CEP290: variants seen among roughly 807,000 people sequenced by gnomAD.
CEP290 encodes centrosomal protein 290.
A neutral mutation model predicts 344.9 loss-of-function variants in CEP290; 317 were observed. That is an observed-to-expected ratio of 0.92 (90% CI 0.84 to 1.01). The LOEUF is 1.01. Ranked by LOEUF, CEP290 falls within the 50% of genes least tolerant of loss-of-function variation. The pLI, the probability that CEP290 is intolerant of heterozygous loss-of-function variation, is 0.00. For missense variants in CEP290, 2,754 were observed against 2,761.4 expected (o/e 1.00, Z 0.06); for synonymous variants, 932 against 895.8 (o/e 1.04, Z -0.72).
At chr12:88,054,520 A>C (rs879618181) in intron 50 of CEP290, 107 bp from the exon 51 acceptor site, 1 of 849,642 alleles carries the variant, frequency 1.2e-6, no homozygotes, top group Admixed American at 2.6e-5. Flanking sequence ...TGGTTTTCAA[A>C]AGCACGCATA....
Position 88,120,235 on chromosome 12 carries a change from A to T in CEP290, c.1401T>A (p.Asn467Lys). The T allele has an allele frequency of 6.7e-7, 1 of 1,497,188 alleles. No homozygotes were observed. 92.7% of individuals were successfully genotyped at this position (1,497,188 alleles called of 1,614,324 possible). A position where few individuals can be genotyped will look rare whatever the true frequency, so the allele number is the denominator to read the frequency against. The change falls in exon 15 of 54, where the codon AAT becomes AAA. Residue 467 changes from asparagine to lysine, a missense_variant. Coordinates refer to ENST00000552810, the MANE Select transcript of CEP290 (RefSeq NM_025114.4). Reference sequence around the variant, plus strand: ...CTCTTATTTTAATTTGGTTTTTACAATTCTTTATTTCAACGACAGCATCTT... The same window carrying T: ...CTCTTATTTTAATTTGGTTTTTACATTTCTTTATTTCAACGACAGCATCTT... Reference protein sequence around the residue: ...GLEDAVVEIKNCKNQIKIRDR... With the variant: ...GLEDAVVEIKKCKNQIKIRDR...
Position 88,117,088 on chromosome 12 carries a change from C to G in CEP290, c.1769G>C (p.Ser590Thr). Residue 590 changes from serine to threonine, a missense_variant, in exon 18 of 54, where the codon AGT becomes ACT. Transcript: ENST00000552810. The stretch of plus-strand genomic sequence containing the variant: ...GCTCAATAAATCCAATTTTCTTTCA[C>G]TTATTCTATCTCCTTGAGAAATGTT... ...TENISQGDRI[S>T]ERKLDLLSLK... 1.3e-6 allele frequency: 2 copies of G among 1,560,916 alleles called. No homozygotes were observed. The highest frequency in any genetic ancestry group is 1.7e-6 in the Non-Finnish European group (2 of 1,149,570).
At chr12:88,086,209 T>A (rs2036561137) in intron 33 of CEP290, 36 bp from the exon 34 acceptor site, 4 of 1,598,926 alleles carry the variant, frequency 2.5e-6, no homozygotes, top group Non-Finnish European at 3.4e-6. Context: ...AAAAAGCAGT[T>A]GCAGCATTGA....
Position 88,086,418 on chromosome 12 carries a change from TTGCTGACGGTCAAAAA to T in CEP290, c.4259_4274del (p.Ile1420LysfsTer5). 1 of 1,595,626 alleles carries T rather than the reference TTGCTGACGGTCAAAAA, an allele frequency of 6.3e-7. No homozygotes were observed. The highest frequency in any genetic ancestry group is 8.6e-7 in the Non-Finnish European group (1 of 1,169,148). The stretch of plus-strand genomic sequence containing the variant: ...TTTGTGCCGCATTTAGTATTTCATT[TTGCTGACGGTCAAAAA>T]TGTCTAGTTGGCGTTCCAGGTCAAC... On this transcript the variant is annotated frameshift_variant, in exon 33 of 54. Transcript: ENST00000552810. LOFTEE classifies it high-confidence loss of function.
intron 18 of CEP290, chr12:88,115,828 T>C: frequency 1.0e-6 from 1 of 984,498 alleles, no homozygotes; most frequent in African/African-American, 1.7e-5. Flanking sequence ...AGAGAATTTA[T>C]CTGAGATAAT....
Position 88,126,350 on chromosome 12 carries a change from T to A in CEP290, c.1031A>T (p.Asp344Val). ...AGCCATAACATTACTTTTATCAGCA[T>A]CAAGCTGAGCATTCTTAAGTTTCTC... ...LREKLKNAQL[D>V]ADKSNVMALQ... The change falls in exon 12 of 54, where the codon GAT (aspartate) becomes GTT (valine). Residue 344 changes from aspartate (D) to valine (V), a missense_variant. Transcript: ENST00000552810. 1 of 1,496,980 alleles carries A rather than the reference T, an allele frequency of 6.7e-7. No individual in the cohort carries two copies. The highest frequency in any genetic ancestry group is 8.9e-7 in the Non-Finnish European group (1 of 1,128,184). 92.7% of individuals were successfully genotyped at this position (1,496,980 alleles called of 1,614,324 possible).
chr12:88,131,389 A>G (rs2040063971), intron 6 of CEP290, among the ~76,000 whole-genome samples, 171 bp from the exon 7 acceptor site: 1 of 151,798 alleles, frequency 6.6e-6, no homozygotes, highest in Non-Finnish European at 1.5e-5. Flanking sequence ...CAGCCTACCG[A>G]GTAGCTGGAA....
rs191613017 is a variant in CEP290, at chr12:88,060,900, A to G, written c.6452T>C (p.Leu2151Ser). ...VEKVQRENEQ[L>S]KKASGILTSE... Reference sequence around the variant, plus strand: ...AGTCAATATTCCTGATGCTTTTTTCAACTGTTCATTTTCTCTCTGGACTTT... The same window carrying G: ...AGTCAATATTCCTGATGCTTTTTTCGACTGTTCATTTTCTCTCTGGACTTT... The change falls in exon 47 of 54, where the codon TTG becomes TCG. Residue 2151 changes from leucine (L) to serine (S), a missense_variant. Leu to Ser is a moderately radical substitution (Grantham distance 145). Transcript: ENST00000552810. 2.2e-4 allele frequency: 343 copies of G among 1,552,970 alleles called. 1 individual carries two copies. The African/African-American group carries it at 4.3e-3, about 20-fold the overall frequency.
intron 45 of CEP290, 49 bp downstream of exon 45, chr12:88,063,932 G>A (rs1251838625): frequency 6.8e-7 from 1 of 1,471,730 alleles, no homozygotes; most frequent in Non-Finnish European, 9.2e-7. Context: ...TAACAACTAA[G>A]GAAGGAGTTT....
chr12:88,111,042 C>T (rs895495657), intron 22 of CEP290, among the ~76,000 whole-genome samples, 160 bp downstream of exon 22: 12 of 152,072 alleles, frequency 7.9e-5, no homozygotes, highest in Non-Finnish European at 1.8e-4. Context: ...CTCAGGAATA[C>T]ATGAAGACTA....
chr12:88,080,550 T>A (rs1170765977), intron 37 of CEP290, among the ~76,000 whole-genome samples, 155 bp from the exon 38 acceptor site: 2 of 152,096 alleles, frequency 1.3e-5, no homozygotes, highest in African/African-American at 2.4e-5. Flanking sequence ...TTGCCTCAAC[T>A]TCCTGAGTAG....
chr12:88,111,102 A>G (rs1179642469), intron 22 of CEP290, 100 bp downstream of exon 22: 2 of 685,050 alleles, frequency 2.9e-6, no homozygotes, highest in Non-Finnish European at 4.3e-6. Flanking sequence ...AAAAATTAAA[A>G]TAAAGTAAAA....
chr12:88,064,980 A>T (rs1277182524), intron 44 of CEP290, among the ~76,000 whole-genome samples: 1 of 152,096 alleles, frequency 6.6e-6, no homozygotes, highest in Non-Finnish European at 1.5e-5. Flanking sequence ...AACCATTAAT[A>T]TTATATTTTC....
In CEP290 at chr12:88,136,707, T is replaced by G; in HGVS notation, c.377A>C (p.Gln126Pro). ...EICQLEKQLE[Q>P]KDRELEDMEK... is the part of the protein sequence containing the mutation. Reference sequence around the variant, plus strand: ...CATGTCCTCCAATTCTCTATCTTTTTGTTCTAATTGTTTTTCAAGTTGGCA... The same window carrying G: ...CATGTCCTCCAATTCTCTATCTTTTGGTTCTAATTGTTTTTCAAGTTGGCA... Residue 126 changes from glutamine to proline, a missense_variant, in exon 6 of 54, where the codon CAA (glutamine) becomes CCA (proline). Gln to Pro is a moderately conservative substitution (Grantham distance 76, BLOSUM62 -1). Coordinates refer to ENST00000552810, the MANE Select transcript of CEP290 (RefSeq NM_025114.4). 6.2e-7 allele frequency: 1 copy of G among 1,613,766 alleles called. No homozygotes were observed.
At position 88,060,815 on chromosome 12, in the gene CEP290, A is replaced by G. The variant is rs1050903820; in HGVS notation, c.6522+15T>C. The stretch of plus-strand genomic sequence containing the variant: ...AAAATATTCCCCTAAAAATGATCAC[A>G]TTAAAAAAAATTACCTTCAATTTTT... On this transcript the variant is annotated intron_variant, in intron 47 of 53. Coordinates refer to ENST00000552810, the MANE Select transcript of CEP290 (RefSeq NM_025114.4). 26 of 1,328,434 alleles carry G rather than the reference A, an allele frequency of 2.0e-5. No homozygotes were observed. In the Admixed American group the frequency reaches 2.1e-4, roughly 11 times the overall value. The allele number at this position is 1,328,434 out of a possible 1,614,324, so 82.3% of individuals were successfully genotyped here. A position where few individuals can be genotyped will look rare whatever the true frequency, so the allele number is the denominator to read the frequency against.
intron 50 of CEP290, 113 bp from the exon 51 acceptor site, chr12:88,054,526 G>C (rs141300241): frequency 3.9e-6 from 3 of 761,698 alleles, no homozygotes; most frequent in Non-Finnish European, 6.4e-6. Flanking sequence ...TCAAAAGCAC[G>C]CATAGGCAAA....
At chr12:88,109,475 C>T (rs2038525224) in intron 22 of CEP290, among the ~76,000 whole-genome samples, 2 of 152,308 alleles carry the variant, frequency 1.3e-5, no homozygotes, top group South Asian at 4.1e-4. Flanking sequence ...CATACCCTCT[C>T]TTATGAACAC....
rs745369780 is a variant in CEP290 at position 88,129,707 on chromosome 12, T to G, written c.839A>C (p.His280Pro). 1 of 1,433,168 alleles carries G rather than the reference T, an allele frequency of 7.0e-7. No homozygotes were observed. The highest frequency in any genetic ancestry group is 1.3e-5 in the South Asian group (1 of 75,614). 88.8% of individuals were successfully genotyped at this position (1,433,168 alleles called of 1,614,324 possible). A position where few individuals can be genotyped will look rare whatever the true frequency, so the allele number is the denominator to read the frequency against. Residue 280 changes from histidine (H) to proline (P), a missense_variant, in exon 10 of 54, where the codon CAT (histidine) becomes CCT (proline). By Grantham distance (77) the His-to-Pro change is moderately conservative (BLOSUM62 -2). Coordinates refer to ENST00000552810, the MANE Select transcript of CEP290 (RefSeq NM_025114.4). ...AGTAATTCTTACTTGAAGTTGATAATGATCGTTTTCTTTTTTTAACTGATC... is the reference window on the plus strand; with the variant it reads ...AGTAATTCTTACTTGAAGTTGATAAGGATCGTTTTCTTTTTTTAACTGATC... ...VIDQLKKENDHYQLQVQELTD... is the reference protein window; with the variant it reads ...VIDQLKKENDPYQLQVQELTD...
Position 88,089,812 on chromosome 12 carries a change from C to T in CEP290, c.3574-325G>A, listed in dbSNP as rs145840027. Among the ~76,000 whole-genome samples the T allele has an allele frequency of 7.7e-3, 1,170 of 151,606 alleles. 21 individuals are homozygous for T. Among genetic ancestry groups the T allele is most frequent in the African/African-American group, 0.027 (1,104 of 41,304 alleles). The stretch of plus-strand genomic sequence containing the variant: ...CGTGATTTTGGCTCACTGCAACCTC[C>T]ACCTCCCGGGTTCAAGCAATTCTCC... On this transcript the variant is annotated intron_variant, in intron 30 of 53. Coordinates refer to ENST00000552810, the MANE Select transcript of CEP290 (RefSeq NM_025114.4).
Sources: allele counts gnomAD v4.1 joint callset (sites outside exome capture counted in the v4.1 genomes callset), GRCh38; gene constraint gnomAD v4.1.1; transcripts MANE v1.5; gene names NCBI Gene and HGNC (gene_info 2026-07-23, HGNC 2026-07-21).